Variants in TCF4 observed in about 807,000 individuals in gnomAD.
TCF4 encodes the protein SL3-3 enhancer factor 2.
Under a neutral mutation model 82.1 loss-of-function variants are expected in TCF4, and 3 were observed. The ratio of observed to expected loss-of-function variants is 0.04; its 90% confidence interval spans 0.02 to 0.09. TCF4 has a LOEUF of 0.09. TCF4 is among the 10% of genes least tolerant of loss of function. The pLI, the probability that TCF4 is intolerant of heterozygous loss-of-function variation, is 1.00. For synonymous variants in TCF4, 276 were observed against 309.6 expected (o/e 0.89, Z 1.14); for missense variants, 518 against 852.7 (o/e 0.61, Z 4.89).
chr18:55,533,968 G>A (rs2146788625), intron 3 of TCF4, among the ~76,000 whole-genome samples: 1 of 152,190 alleles, frequency 6.6e-6, no homozygotes, highest in East Asian at 1.9e-4. Flanking sequence ...AGGATCAGAA[G>A]TGTTTTGGAT....
chr18:55,407,701 T>C (rs922676187), intron 5 of TCF4, among the ~76,000 whole-genome samples: 3 of 152,104 alleles, frequency 2.0e-5, no homozygotes, highest in Non-Finnish European at 4.4e-5. Context: ...AACAATCTTT[T>C]ATCTTGCTGT....
At chr18:55,588,356 C>T, upstream of TCF4, 3 of 1,496,972 alleles carry the variant, frequency 2.0e-6, no homozygotes, top group Non-Finnish European at 2.7e-6. Context: ...CGACTTGCTC[C>T]GGGTCGGGCA....
At chr18:55,316,127 T>C (rs1055963024) in intron 8 of TCF4, among the ~76,000 whole-genome samples, 4 of 152,032 alleles carry the variant, frequency 2.6e-5, no homozygotes, top group Non-Finnish European at 4.4e-5. Flanking sequence ...TCTGATAATA[T>C]TGGAGGGGGA....
chr18:55,232,634 A>G lies in TCF4; in HGVS notation c.1524T>C (p.Ser508=), dbSNP rs752370780. ...CATCGGATTTGATCTCAGAGCTGCCAGAGGAGACACTCTGCCCCTGTAGTC... is the reference window on the plus strand; with the variant it reads ...CATCGGATTTGATCTCAGAGCTGCCGGAGGAGACACTCTGCCCCTGTAGTC... ...PPGLQGQSVS[S]GSSEIKSDDE... Residue 508 remains serine, a synonymous_variant, in exon 17 of 20, where the codon TCT becomes TCC. Coordinates refer to ENST00000354452, the MANE Select transcript of TCF4 (RefSeq NM_001083962.2). 9 of 1,614,052 alleles carry G rather than the reference A, an allele frequency of 5.6e-6. No homozygotes were observed. In the East Asian group the frequency reaches 2.0e-4, roughly 36 times the overall value.
intron 2 of TCF4, among the ~76,000 whole-genome samples, chr18:55,602,877 T>C (rs1350403942): frequency 6.6e-6 from 1 of 152,180 alleles, no homozygotes; most frequent in Non-Finnish European, 1.5e-5. Context: ...AGGTATGATT[T>C]TATATTATAG....
At chr18:55,279,523 C>G in intron 9 of TCF4, 28 bp downstream of exon 9, 1 of 1,613,550 alleles carries the variant, frequency 6.2e-7, no homozygotes, top group South Asian at 1.1e-5. Context: ...ATCCAGTGGC[C>G]TTTCCCTCAG....
intron 6 of TCF4, among the ~76,000 whole-genome samples, chr18:55,358,922 A>G (rs560978611): frequency 1.3e-5 from 2 of 152,352 alleles, no homozygotes; most frequent in Non-Finnish European, 1.5e-5. Context: ...CAAAGTGCTT[A>G]GCAAAGTTCC....
intron 6 of TCF4, chr18:55,401,744 A>C: frequency 1.0e-6 from 1 of 986,018 alleles, no homozygotes; most frequent in Middle Eastern, 5.2e-4. Flanking sequence ...TCAGCAGAGG[A>C]AATCTTTGTG....
chr18:55,605,630 T>A (rs1306962381), intron 2 of TCF4, among the ~76,000 whole-genome samples: 2 of 152,202 alleles, frequency 1.3e-5, no homozygotes, highest in African/African-American at 2.4e-5. Context: ...AAGACGGACT[T>A]GCATTAGTAC....
intron 3 of TCF4, among the ~76,000 whole-genome samples, chr18:55,519,779 T>C (rs2096918073): frequency 1.3e-5 from 2 of 152,180 alleles, no homozygotes. Flanking sequence ...TAGTCTTCAT[T>C]GATGTCATGA....
At chr18:55,319,639 C>T (rs1389285780) in intron 8 of TCF4, among the ~76,000 whole-genome samples, 2 of 151,356 alleles carry the variant, frequency 1.3e-5, no homozygotes, top group Non-Finnish European at 2.9e-5. Flanking sequence ...AATACATTTC[C>T]TGTGACAGAG....
At chr18:55,524,950 A>C (rs2096966148) in intron 3 of TCF4, among the ~76,000 whole-genome samples, 1 of 152,220 alleles carries the variant, frequency 6.6e-6, no homozygotes, top group African/African-American at 2.4e-5. Context: ...GTGTGTGACA[A>C]GATCAGTTCA....
chr18:55,595,561 C>A (rs1352975827), intron 2 of TCF4, among the ~76,000 whole-genome samples: 1 of 152,142 alleles, frequency 6.6e-6, no homozygotes, highest in East Asian at 1.9e-4. Flanking sequence ...ACCTTCCTTA[C>A]TAGACCTAGA....
At chr18:55,376,270 C>A (rs1370194691) in intron 6 of TCF4, among the ~76,000 whole-genome samples, 1 of 152,080 alleles carries the variant, frequency 6.6e-6, no homozygotes, top group Non-Finnish European at 1.5e-5. Context: ...AAGAGATCTG[C>A]CTGCCTCGGC....
rs188086935 is a variant in TCF4 at position 55,535,215 on chromosome 18, T to C, written c.145+50065A>G. Among the ~76,000 whole-genome samples, 119 of 152,350 alleles carry C rather than the reference T, an allele frequency of 7.8e-4. 1 individual carries two copies. Among genetic ancestry groups the C allele is most frequent in the Admixed American group, 1.7e-3 (26 of 15,300 alleles). ...ATTTCAGGGTTCGTGCTCTCTTTGT[T>C]TTAACTCCAGTGTGATCTCTACTGG... On this transcript the variant is annotated intron_variant, in intron 3 of 19. Coordinates refer to ENST00000354452, the MANE Select transcript of TCF4 (RefSeq NM_001083962.2).
At chr18:55,584,474 A>T (rs1236421989) in intron 3 of TCF4, among the ~76,000 whole-genome samples, 1 of 151,980 alleles carries the variant, frequency 6.6e-6, no homozygotes, top group African/African-American at 2.4e-5. Context: ...TCATTGGATT[A>T]AAAAAAATAC....
At chr18:55,401,360 A>G (rs2093806506) in intron 6 of TCF4, 7 of 1,122,680 alleles carry the variant, frequency 6.2e-6, no homozygotes, top group Non-Finnish European at 7.7e-6. Context: ...TGCAAGACTC[A>G]CAACCATGAA....
At chr18:55,416,135 C>A (rs1051277001) in intron 5 of TCF4, among the ~76,000 whole-genome samples, 2 of 152,034 alleles carry the variant, frequency 1.3e-5, no homozygotes, top group Non-Finnish European at 2.9e-5. Context: ...TATGTACACA[C>A]ACATATAGGT....
At chr18:55,493,849 C>A (rs2096601303) in intron 3 of TCF4, among the ~76,000 whole-genome samples, 1 of 151,980 alleles carries the variant, frequency 6.6e-6, no homozygotes, top group Non-Finnish European at 1.5e-5. Context: ...TTAAGCTAGT[C>A]CTTAATCCAA....
Sources: gnomAD v4.1 joint callset for allele counts (sites outside exome capture counted in the v4.1 genomes callset) on GRCh38, gnomAD v4.1.1 for gene constraint, MANE v1.5 for transcripts, NCBI Gene and HGNC (gene_info 2026-07-23, HGNC 2026-07-21) for gene names.